Variants in ESRRG observed in about 807,000 individuals in gnomAD.
The protein encoded by ESRRG is estrogen related receptor gamma, also known as estrogen-related receptor gamma.
ESRRG carries 13 observed loss-of-function variants against 44.0 expected under a neutral mutation model. The observed-to-expected ratio is 0.30, with a 90% CI of 0.19 to 0.47. The LOEUF (loss-of-function observed/expected upper bound fraction) is 0.47, where lower values mean the gene tolerates loss of function less well. Among genes scored for constraint, ESRRG ranks in the 20% least tolerant of loss-of-function variants. The pLI, the probability that ESRRG is intolerant of heterozygous loss-of-function variation, is 1.00. For missense variants in ESRRG, 395 were observed against 580.6 expected (o/e 0.68, Z 3.29); for synonymous variants, 215 against 214.6 (o/e 1.00, Z -0.02).
At chr1:216,885,510 T>C (rs1475028606) in intron 2 of ESRRG, among the ~76,000 whole-genome samples, 2 of 152,054 alleles carry the variant, frequency 1.3e-5, no homozygotes, top group Admixed American at 1.3e-4. Flanking sequence ...CGGTTCCAAG[T>C]TAGATTTTGC....
intron 3 of ESRRG, among the ~76,000 whole-genome samples, chr1:216,623,239 C>A (rs1365668296): frequency 1.3e-5 from 2 of 151,954 alleles, no homozygotes; most frequent in East Asian, 1.9e-4. Context: ...CCCACCACCA[C>A]GCCCGGCTAA....
Position 217,099,292 on chromosome 1 carries a change from C to T in ESRRG, c.-230+38375G>A, listed in dbSNP as rs114737308. 1.0e-3 allele frequency among the ~76,000 whole-genome samples: 155 copies of T among 151,212 alleles called. 1 individual carries two copies. Among genetic ancestry groups the T allele is most frequent in the Non-Finnish European group, 1.8e-3 (123 of 67,916 alleles). ...ATCTTTTCCAATCCTACTTATCCCT[C>T]ATGATGAGCTAATGAAGTGGATATT... On this transcript the variant is annotated intron_variant, in intron 1 of 8. Coordinates refer to the ESRRG transcript ENST00000366940.
At chr1:217,080,337 G>A (rs374983273) in intron 1 of ESRRG, among the ~76,000 whole-genome samples, 2 of 152,032 alleles carry the variant, frequency 1.3e-5, no homozygotes, top group East Asian at 1.9e-4. Context: ...ACCCAAAATC[G>A]TCCTCACAGA....
At chr1:216,856,352 A>AACACACACACACACACAC (rs5780935) in intron 2 of ESRRG, among the ~76,000 whole-genome samples, 192 of 141,978 alleles carry the variant, frequency 1.4e-3, no homozygotes, top group Middle Eastern at 3.6e-3. Flanking sequence ...TTCTCTCTTC[A>AACACACACACACACACAC]ACACACACAC....
chr1:216,955,655 C>T (rs933002162), intron 1 of ESRRG, among the ~76,000 whole-genome samples: 39 of 152,232 alleles, frequency 2.6e-4, no homozygotes, highest in African/African-American at 9.4e-4. Context: ...AATTTACATT[C>T]CCACCAGCAG....
In ESRRG at chr1:217,111,131, G is replaced by A. The variant is rs546756552; in HGVS notation, c.-230+26536C>T. On this transcript the variant is annotated intron_variant, in intron 1 of 8. Coordinates refer to the ESRRG transcript ENST00000366940. The stretch of plus-strand genomic sequence containing the variant: ...GCCCTCAGTTAAGAAATAGAATACA[G>A]GTCAGACACTGGGGACCAGGAGCCC... 1.1e-4 allele frequency among the ~76,000 whole-genome samples: 17 copies of A among 152,254 alleles called. No homozygotes were observed. In the South Asian group the frequency reaches 3.5e-3, roughly 32 times the overall value.
intron 1 of ESRRG, among the ~76,000 whole-genome samples, chr1:217,102,319 C>T (rs928445141): frequency 3.3e-5 from 5 of 152,164 alleles, no homozygotes; most frequent in Non-Finnish European, 7.3e-5. Flanking sequence ...CAGCATGGCC[C>T]AGAGCTATGC....
chr1:216,553,922 A>G (rs1247644772), intron 5 of ESRRG, among the ~76,000 whole-genome samples: 1 of 152,178 alleles, frequency 6.6e-6, no homozygotes, highest in Non-Finnish European at 1.5e-5. Flanking sequence ...TTTCTTCTTA[A>G]GAGTCATAGC....
upstream of ESRRG, among the ~76,000 whole-genome samples, chr1:216,727,565 C>A (rs1251743624): frequency 6.6e-6 from 1 of 152,026 alleles, no homozygotes; most frequent in Non-Finnish European, 1.5e-5. Context: ...AGACTTCTTT[C>A]GAAGTCAGGA....
At chr1:216,848,986 A>T (rs981284887) in intron 2 of ESRRG, among the ~76,000 whole-genome samples, 1 of 152,102 alleles carries the variant, frequency 6.6e-6, no homozygotes, top group Non-Finnish European at 1.5e-5. Context: ...TGCCTTTCTG[A>T]TATGAACTAC....
intron 5 of ESRRG, among the ~76,000 whole-genome samples, chr1:216,552,596 A>G (rs1168984066): frequency 6.6e-6 from 1 of 152,144 alleles, no homozygotes; most frequent in Admixed American, 6.6e-5. Context: ...CAACTTATAT[A>G]TGGGCATACT....
chr1:216,666,717 C>T (rs1395912491), intron 2 of ESRRG, among the ~76,000 whole-genome samples: 1 of 152,218 alleles, frequency 6.6e-6, no homozygotes, highest in Non-Finnish European at 1.5e-5. Flanking sequence ...GAGTCAGCCA[C>T]ACCCGCTTCC....
intron 1 of ESRRG, among the ~76,000 whole-genome samples, chr1:217,060,541 G>A (rs2151339656): frequency 6.6e-6 from 1 of 152,164 alleles, no homozygotes; most frequent in East Asian, 1.9e-4. Context: ...ATAAACCCTT[G>A]CTATACAAGT....
intron 2 of ESRRG, chr1:216,864,305 G>A (rs2096107519): frequency 6.9e-6 from 1 of 145,634 alleles, no homozygotes; most frequent in African/African-American, 2.6e-5. Flanking sequence ...TTTCCTAGGA[G>A]GCAGCTGGTC....
chr1:216,904,797 C>T (rs1052677442), intron 2 of ESRRG, among the ~76,000 whole-genome samples: 18 of 152,164 alleles, frequency 1.2e-4, no homozygotes, highest in African/African-American at 4.3e-4. Context: ...AAGTCTACGA[C>T]AAGGCAGGCA....
intron 3 of ESRRG, among the ~76,000 whole-genome samples, chr1:216,631,471 A>G (rs2064167703): frequency 1.3e-5 from 2 of 152,178 alleles, no homozygotes; most frequent in Non-Finnish European, 2.9e-5. Context: ...TAGAAGTACT[A>G]TTGTCAAGGG....
At chr1:216,736,288 T>A (rs530103561) in intron 2 of ESRRG, among the ~76,000 whole-genome samples, 73 of 149,284 alleles carry the variant, frequency 4.9e-4, no homozygotes, top group African/African-American at 1.7e-3. Context: ...TTTCACGCCA[T>A]TCTCCTGCCT....
At chr1:217,056,674 G>A (rs570268077) in intron 1 of ESRRG, among the ~76,000 whole-genome samples, 1 of 150,748 alleles carries the variant, frequency 6.6e-6, no homozygotes, top group Non-Finnish European at 1.5e-5. Context: ...TGGCCATGAC[G>A]GCAGCATAGT....
At chr1:217,095,854 T>G (rs1428721436) in intron 1 of ESRRG, among the ~76,000 whole-genome samples, 1 of 152,170 alleles carries the variant, frequency 6.6e-6, no homozygotes, top group African/African-American at 2.4e-5. Flanking sequence ...AAATAGCCAG[T>G]GCATGCCAGC....
Sources: allele counts gnomAD v4.1 joint callset (sites outside exome capture counted in the v4.1 genomes callset), GRCh38; gene constraint gnomAD v4.1.1; transcripts MANE v1.5; gene names NCBI Gene and HGNC (gene_info 2026-07-23, HGNC 2026-07-21).